FILIP1L: variants seen among roughly 807,000 people sequenced by gnomAD.
The protein encoded by FILIP1L is filamin A-interacting protein 1-like.
A neutral mutation model predicts 96.6 loss-of-function variants in FILIP1L; 55 were observed. The ratio of observed to expected loss-of-function variants is 0.57; its 90% confidence interval spans 0.46 to 0.71. The LOEUF is 0.71. Among genes scored for constraint, FILIP1L ranks in the 30% least tolerant of loss-of-function variants. FILIP1L has a pLI of 0.00. For synonymous variants in FILIP1L, 467 were observed against 473.9 expected, an observed-to-expected ratio of 0.99 and a Z score of 0.19; for missense variants, 1,304 against 1,321.2, an observed-to-expected ratio of 0.99 and a Z score of 0.20.
At chr3:100,069,427 G>C (rs2107367781) in intron 1 of FILIP1L, among the ~76,000 whole-genome samples, 1 of 152,214 alleles carries the variant, frequency 6.6e-6, no homozygotes, top group East Asian at 1.9e-4. Context: ...TTCTAAGCAG[G>C]CAAGTGGTTA....
At chr3:99,970,008 T>C (rs1364029112) in intron 1 of FILIP1L, among the ~76,000 whole-genome samples, 1 of 152,182 alleles carries the variant, frequency 6.6e-6, no homozygotes, top group Non-Finnish European at 1.5e-5. Flanking sequence ...TTTAGAAGCA[T>C]TATAAAAAGG....
chr3:99,982,429 C>G (rs1194482307), intron 1 of FILIP1L, among the ~76,000 whole-genome samples: 3 of 152,140 alleles, frequency 2.0e-5, no homozygotes, highest in Admixed American at 2.0e-4. Flanking sequence ...CATCGTCAGC[C>G]TCCTGGGCTC....
intron 1 of FILIP1L, among the ~76,000 whole-genome samples, chr3:100,074,662 T>C (rs2065817706): frequency 6.8e-6 from 1 of 147,122 alleles, no homozygotes; most frequent in African/African-American, 2.5e-5. Context: ...TTTCTATGCA[T>C]GTGCAACATT....
At chr3:99,869,802 C>T (rs970251649) in intron 4 of FILIP1L, among the ~76,000 whole-genome samples, 5 of 152,134 alleles carry the variant, frequency 3.3e-5, no homozygotes, top group African/African-American at 1.2e-4. Context: ...AAGAGAAAAA[C>T]ATATTTCACC....
chr3:99,939,314 C>T (rs561352704), intron 1 of FILIP1L, among the ~76,000 whole-genome samples: 5 of 152,166 alleles, frequency 3.3e-5, no homozygotes, highest in African/African-American at 9.7e-5. Context: ...AACTTTAGTT[C>T]GTGTATCCTG....
intron 4 of FILIP1L, among the ~76,000 whole-genome samples, chr3:99,911,941 T>A (rs897740946): frequency 6.6e-6 from 1 of 152,050 alleles, no homozygotes; most frequent in Non-Finnish European, 1.5e-5. Context: ...CGTTCTCTCT[T>A]TTTTTTTCCA....
At chr3:99,938,029 G>A (rs919130681) in intron 1 of FILIP1L, among the ~76,000 whole-genome samples, 3 of 151,678 alleles carry the variant, frequency 2.0e-5, no homozygotes, top group Non-Finnish European at 4.4e-5. Flanking sequence ...GGCAGCACTG[G>A]TGCCTGCAAA....
At chr3:100,008,264 T>G (rs1353055225) in intron 1 of FILIP1L, among the ~76,000 whole-genome samples, 1 of 152,158 alleles carries the variant, frequency 6.6e-6, no homozygotes, top group African/African-American at 2.4e-5. Context: ...CCCAATTAGA[T>G]TCCCTGCCAG....
intron 1 of FILIP1L, among the ~76,000 whole-genome samples, chr3:100,015,191 T>A (rs898201338): frequency 2.0e-5 from 3 of 152,118 alleles, no homozygotes; most frequent in Admixed American, 6.5e-5. Flanking sequence ...TCGTTGTAGA[T>A]CATTTGACCC....
At chr3:100,107,228 G>C (rs796525578) in intron 1 of FILIP1L, among the ~76,000 whole-genome samples, 5 of 152,256 alleles carry the variant, frequency 3.3e-5, no homozygotes, top group African/African-American at 1.2e-4. Flanking sequence ...AAGATGAACT[G>C]TCCAGATGTA....
intron 1 of FILIP1L, among the ~76,000 whole-genome samples, chr3:99,959,395 C>T (rs562567124): frequency 2.0e-5 from 3 of 152,336 alleles, no homozygotes; most frequent in African/African-American, 7.2e-5. Context: ...TGTGATCTGC[C>T]TGACTCAGAC....
At chr3:99,966,755 C>T (rs879479280) in intron 1 of FILIP1L, among the ~76,000 whole-genome samples, 1 of 152,148 alleles carries the variant, frequency 6.6e-6, no homozygotes, top group Non-Finnish European at 1.5e-5. Flanking sequence ...ATTTGGTGAG[C>T]AGGATCTCTG....
chr3:100,009,736 G>C (rs904926508), intron 1 of FILIP1L, among the ~76,000 whole-genome samples: 10 of 152,332 alleles, frequency 6.6e-5, no homozygotes, highest in Non-Finnish European at 1.0e-4. Flanking sequence ...AGGAGGCAAA[G>C]ATATTTGAAA....
At chr3:99,930,109 G>T in intron 2 of FILIP1L, 80 bp from the exon 3 acceptor site, 1 of 1,187,242 alleles carries the variant, frequency 8.4e-7, no homozygotes, top group Non-Finnish European at 1.2e-6. Context: ...ATAGTTGGCA[G>T]TGCTTTTTCT....
intron 1 of FILIP1L, among the ~76,000 whole-genome samples, chr3:99,943,437 C>T (rs1454313961): frequency 1.3e-5 from 2 of 152,162 alleles, no homozygotes; most frequent in Non-Finnish European, 2.9e-5. Flanking sequence ...GGTATGGTGG[C>T]TCATGACTGT....
chr3:99,996,230 A>C (rs1356987276), intron 1 of FILIP1L, among the ~76,000 whole-genome samples: 2 of 152,166 alleles, frequency 1.3e-5, no homozygotes, highest in Admixed American at 6.5e-5. Flanking sequence ...AAGTTTCACA[A>C]ATCTCTAGGG....
Position 99,910,554 on chromosome 3 carries a change from C to T in FILIP1L, c.605+13676G>A, listed in dbSNP as rs550429299. On this transcript the variant is annotated intron_variant, in intron 4 of 5. Transcript: ENST00000477258. ...TGTTGTTATATCCAGTACCCCTTACCACTTTCCAAGGAAACAATTTTTGTA... is the reference window on the plus strand; with the variant it reads ...TGTTGTTATATCCAGTACCCCTTACTACTTTCCAAGGAAACAATTTTTGTA... 1.8e-4 allele frequency among the ~76,000 whole-genome samples: 24 copies of T among 136,676 alleles called. 6 individuals are homozygous for T. Among genetic ancestry groups the T allele is most frequent in the Admixed American group, 1.1e-3 (14 of 12,844 alleles). The allele number at this position is 136,676 out of a possible 152,430, so 89.7% of individuals were successfully genotyped here.
At chr3:99,848,247 G>A (rs1401687735) in intron 5 of FILIP1L, 48 bp downstream of exon 5, 9 of 1,601,746 alleles carry the variant, frequency 5.6e-6, no homozygotes, top group Non-Finnish European at 7.7e-6. Flanking sequence ...AAAAATATCA[G>A]TATGGACTGG....
chr3:99,940,337 C>T (rs1707815977), intron 1 of FILIP1L, among the ~76,000 whole-genome samples: 1 of 152,224 alleles, frequency 6.6e-6, no homozygotes, highest in Non-Finnish European at 1.5e-5. Context: ...ATTCTTTTAA[C>T]AGTTTTCAAA....
Sources: gnomAD v4.1 joint callset for allele counts (sites outside exome capture counted in the v4.1 genomes callset) on GRCh38, gnomAD v4.1.1 for gene constraint, MANE v1.5 for transcripts, NCBI Gene and HGNC (gene_info 2026-07-23, HGNC 2026-07-21) for gene names.